The following DMD variants were observed in gnomAD, a reference collection of about 807,000 sequenced individuals.
DMD encodes the protein dystrophin.
In DMD, 63 loss-of-function variants were observed where a neutral mutation model predicts 330.1. The ratio of observed to expected loss-of-function variants is 0.19; its 90% CI spans 0.16 to 0.24. DMD has a LOEUF of 0.24. Among genes scored for constraint, DMD ranks in the 10% least tolerant of loss-of-function variants. The pLI is 1.00. For synonymous variants in DMD, 1,223 were observed against 959.8 expected (o/e 1.27, Z -5.07); for missense variants, 3,344 against 2,684.1 (o/e 1.25, Z -5.43).
chrX:33,332,611 T>C (rs1215660971), intron 1 of DMD, among the ~76,000 whole-genome samples: 1 of 111,436 alleles, frequency 9.0e-6, no homozygotes, highest in Non-Finnish European at 1.9e-5. Context: ...ACCTTGAACA[T>C]ATACTTTGAA....
intron 15 of DMD, among the ~76,000 whole-genome samples, chrX:32,570,901 G>A (rs1351461628): frequency 8.9e-6 from 1 of 111,734 alleles, no homozygotes; most frequent in African/African-American, 3.3e-5. Flanking sequence ...CAGGAACTTT[G>A]ACTAGATATT....
chrX:32,565,723 T>A lies in DMD; in HGVS notation c.1971A>T (p.Lys657Asn), dbSNP rs796762288. The change falls in exon 16 of 79, where the codon AAA becomes AAT. Residue 657 changes from lysine to asparagine, a missense_variant. Transcript: ENST00000357033. ...TAACCTGTGCTGTACTCTTTTCAAG[T>A]TTTTGGACTAAATTATCCCAACACC... The part of the protein sequence containing the change: ...FARCWDNLVQ[K>N]LEKSTAQISQ... 3.3e-6 allele frequency: 4 copies of A among 1,211,363 alleles called. No homozygotes were observed. Among genetic ancestry groups the A allele is most frequent in the Non-Finnish European group, 4.5e-6 (4 of 895,113 alleles).
chrX:32,777,064 T>G (rs1187165566), intron 7 of DMD, among the ~76,000 whole-genome samples: 1 of 108,885 alleles, frequency 9.2e-6, no homozygotes, highest in Non-Finnish European at 1.9e-5. Flanking sequence ...ATTTGTCTTT[T>G]TTTTTTGTTT....
At chrX:32,369,654 A>G (rs113132778) in intron 34 of DMD, among the ~76,000 whole-genome samples, 1,461 of 110,972 alleles carry the variant, frequency 0.013, 28 homozygotes, top group African/African-American at 0.045. Flanking sequence ...CCCATTTCGT[A>G]TTTTCACAAG....
rs867000907 is a variant in DMD at position 31,646,253 on chromosome X, T to G, written c.8027+11737A>C. Among the ~76,000 whole-genome samples the G allele has an allele frequency of 2.9e-5, 3 of 103,021 alleles. No individual in the cohort carries two copies. In the East Asian group the frequency reaches 9.2e-4, roughly 32 times the overall value. 89.5% of individuals were successfully genotyped at this position (103,021 alleles called of 115,157 possible). On this transcript the variant is annotated intron_variant, in intron 54 of 78. Transcript: ENST00000357033. Reference sequence around the variant, plus strand: ...GTTCTATCACATTGTGTGTTGTGTGTTGTGTGTGTGTGTGTGTGTGTGTGT... The same window carrying G: ...GTTCTATCACATTGTGTGTTGTGTGGTGTGTGTGTGTGTGTGTGTGTGTGT...
intron 1 of DMD, among the ~76,000 whole-genome samples, chrX:33,257,334 T>C (rs1382394961): frequency 1.8e-5 from 2 of 111,229 alleles, no homozygotes; most frequent in South Asian, 3.7e-4. Context: ...GCTATTTTCA[T>C]TTAGAAAGGT....
chrX:32,736,813 G>T (rs1248873104), intron 7 of DMD, among the ~76,000 whole-genome samples: 1 of 109,385 alleles, frequency 9.1e-6, no homozygotes, highest in Non-Finnish European at 1.9e-5. Flanking sequence ...TTTATCTAAT[G>T]CTAGATGACG....
intron 7 of DMD, among the ~76,000 whole-genome samples, chrX:32,727,819 T>C (rs1251063472): frequency 2.7e-5 from 3 of 109,218 alleles, no homozygotes; most frequent in Non-Finnish European, 5.7e-5. Flanking sequence ...TTTACCAAAT[T>C]AGACTGCTGT....
rs760568137 is a variant in DMD at position 31,667,563 on chromosome X, C to T, written c.7873-9419G>A. 3.7e-5 allele frequency among the ~76,000 whole-genome samples: 4 copies of T among 109,360 alleles called. No individual in the cohort carries two copies. In the South Asian group the frequency reaches 1.6e-3, roughly 42 times the overall value. 95.0% of individuals were successfully genotyped at this position (109,360 alleles called of 115,157 possible). A position where few individuals can be genotyped will look rare whatever the true frequency, so the allele number is the denominator to read the frequency against. ...CTAATGGGTAGTGAAATTTATAATA[C>T]AAAAATATAGTTTGATAGAATGAAT... On this transcript the variant is annotated intron_variant, in intron 53 of 78. Transcript: ENST00000357033.
chrX:31,228,081 G>A (rs1268536672), intron 63 of DMD, among the ~76,000 whole-genome samples: 1 of 100,996 alleles, frequency 9.9e-6, no homozygotes, highest in Non-Finnish European at 2.0e-5. Context: ...CACAGGAAGG[G>A]GAATATCACA....
chrX:32,172,909 A>G (rs1476343156), intron 44 of DMD, among the ~76,000 whole-genome samples: 1 of 111,714 alleles, frequency 9.0e-6, no homozygotes, highest in Non-Finnish European at 1.9e-5. Flanking sequence ...CAAATCAAAG[A>G]TCATAGAGGT....
At chrX:31,809,172 TATATATATGAGTTTATATATAA>T (rs1163972738) in intron 50 of DMD, among the ~76,000 whole-genome samples, 9 of 105,133 alleles carry the variant, frequency 8.6e-5, no homozygotes, top group African/African-American at 2.7e-4. Context: ...TATGAGTTTA[TATATATATGAGTTTATATATAA>T]ATATATATGA....
At chrX:32,380,473 G>T (rs766125332) in intron 34 of DMD, 37 bp downstream of exon 34, 1 of 1,167,534 alleles carries the variant, frequency 8.6e-7, no homozygotes, top group Non-Finnish European at 1.2e-6. Context: ...GTGTTTTCAC[G>T]TATGTTCAAA....
At chrX:32,783,149 CATAT>C (rs772674193) in intron 7 of DMD, among the ~76,000 whole-genome samples, 7 of 93,100 alleles carry the variant, frequency 7.5e-5, no homozygotes, top group Admixed American at 6.0e-4. Context: ...ATATATATAC[CATAT>C]ATATAGATAT....
At chrX:32,025,208 T>A (rs1271466638) in intron 44 of DMD, among the ~76,000 whole-genome samples, 1 of 111,966 alleles carries the variant, frequency 8.9e-6, no homozygotes, top group Non-Finnish European at 1.9e-5. Flanking sequence ...AAAACAGAAA[T>A]CTTGCATTTG....
intron 1 of DMD, among the ~76,000 whole-genome samples, chrX:33,196,087 G>A (rs1289680783): frequency 9.0e-6 from 1 of 110,616 alleles, no homozygotes; most frequent in Non-Finnish European, 1.9e-5. Flanking sequence ...TCTGACCTAG[G>A]GTAGTAAGGA....
At chrX:32,800,689 G>A (rs1419251245) in intron 7 of DMD, among the ~76,000 whole-genome samples, 4 of 110,603 alleles carry the variant, frequency 3.6e-5, no homozygotes, top group African/African-American at 1.3e-4. Flanking sequence ...TTCCCCTAAT[G>A]CTATCACTCC....
intron 11 of DMD, among the ~76,000 whole-genome samples, chrX:32,643,577 AT>A (rs1266926794): frequency 9.0e-6 from 1 of 111,356 alleles, no homozygotes; most frequent in Admixed American, 9.6e-5. Flanking sequence ...GAAATATGTC[AT>A]TTTTCAGAAA....
At chrX:32,799,768 A>G (rs1205329795) in intron 7 of DMD, among the ~76,000 whole-genome samples, 2 of 111,108 alleles carry the variant, frequency 1.8e-5, no homozygotes, top group African/African-American at 6.5e-5. Context: ...TATACCTATT[A>G]TCTATGAGCA....
Sources: allele counts gnomAD v4.1 joint callset (sites outside exome capture counted in the v4.1 genomes callset), GRCh38; gene constraint gnomAD v4.1.1; transcripts MANE v1.5; gene names NCBI Gene and HGNC (gene_info 2026-07-23, HGNC 2026-07-21).